Variants in TMTC2 observed in about 807,000 individuals in gnomAD.
TMTC2 encodes the protein transmembrane O-mannosyltransferase targeting cadherins 2.
In TMTC2, 43 loss-of-function variants were observed where a neutral mutation model predicts 82.4. The ratio of observed to expected loss-of-function variants is 0.52; its 90% CI spans 0.41 to 0.67. The LOEUF is 0.67. Ranked by LOEUF, TMTC2 falls within the 30% of genes least tolerant of loss-of-function variation. The pLI, the probability that TMTC2 is intolerant of heterozygous loss-of-function variation, is 0.00. For synonymous variants in TMTC2, 408 were observed against 381.9 expected (o/e 1.07, Z -0.80); for missense variants, 919 against 1,012.4 (o/e 0.91, Z 1.25).
chr12:83,014,668 A>G (rs181377262), intron 8 of TMTC2, among the ~76,000 whole-genome samples: 17 of 152,294 alleles, frequency 1.1e-4, no homozygotes, highest in Admixed American at 3.9e-4. Flanking sequence ...ATAACCATGT[A>G]CATCTATGGT....
intron 1 of TMTC2, among the ~76,000 whole-genome samples, chr12:82,766,740 C>T (rs1876982981): frequency 6.6e-6 from 1 of 152,206 alleles, no homozygotes; most frequent in African/African-American, 2.4e-5. Context: ...TACTATTCTT[C>T]TAGTCTCTCA....
chr12:82,739,380 G>A (rs1875285441), intron 1 of TMTC2, among the ~76,000 whole-genome samples: 3 of 152,040 alleles, frequency 2.0e-5, no homozygotes, highest in African/African-American at 7.2e-5. Flanking sequence ...GGGTGGAGAA[G>A]AGATATGTGT....
chr12:83,108,159 C>T (rs1467879121), intron 11 of TMTC2, among the ~76,000 whole-genome samples: 2 of 152,114 alleles, frequency 1.3e-5, no homozygotes, highest in Non-Finnish European at 2.9e-5. Flanking sequence ...CTTTATAAAT[C>T]GCCCAGTCTC....
chr12:82,823,474 G>A (rs932358782), intron 1 of TMTC2, among the ~76,000 whole-genome samples: 3 of 152,154 alleles, frequency 2.0e-5, no homozygotes, highest in African/African-American at 7.2e-5. Context: ...TACTCTGCTA[G>A]GCTTTTGCCC....
intron 11 of TMTC2, among the ~76,000 whole-genome samples, chr12:83,104,959 A>G (rs1481422781): frequency 1.3e-5 from 2 of 152,204 alleles, no homozygotes; most frequent in Non-Finnish European, 2.9e-5. Flanking sequence ...AAGCAGCCAG[A>G]CCACTGCTTG....
At chr12:82,906,294 C>T (rs115353011) in intron 3 of TMTC2, among the ~76,000 whole-genome samples, 14 of 152,174 alleles carry the variant, frequency 9.2e-5, no homozygotes, top group African/African-American at 3.1e-4. Flanking sequence ...TTATATTTCA[C>T]CAATAATTTG....
chr12:82,896,172 T>C lies in TMTC2; in HGVS notation c.1009T>C (p.Cys337Arg). The change falls in exon 3 of 12, where the codon TGC becomes CGC. Residue 337 changes from cysteine to arginine, a missense_variant. Transcript: ENST00000321196. ...GAAGAGCCCGAGCGTAGACAGAGAA[T>C]GCAATGGGAAAACTGTAACAAATGG... ...GLKSPSVDRE[C>R]NGKTVTNGKQ... 6.2e-7 allele frequency: 1 copy of C among 1,613,964 alleles called. No homozygotes were observed. The highest frequency in any genetic ancestry group is 1.3e-5 in the African/African-American group (1 of 74,970).
rs563069559 is a variant in TMTC2, at chr12:82,882,925, G to A, written c.655-12893G>A. Among the ~76,000 whole-genome samples the A allele has an allele frequency of 1.8e-4, 28 of 151,938 alleles. No homozygotes were observed. The South Asian group carries it at 5.0e-3, about 27-fold the overall frequency. On this transcript the variant is annotated intron_variant, in intron 2 of 11. Coordinates refer to ENST00000321196, the MANE Select transcript of TMTC2 (RefSeq NM_152588.3). ...ACAAAAATTAGCTGGGCGTGGTGGCGTGTGCCTATGATCCCAGCTACTTAG... is the reference window on the plus strand; with the variant it reads ...ACAAAAATTAGCTGGGCGTGGTGGCATGTGCCTATGATCCCAGCTACTTAG...
intron 1 of TMTC2, among the ~76,000 whole-genome samples, chr12:82,818,236 G>A (rs1316051329): frequency 6.6e-6 from 1 of 152,018 alleles, no homozygotes. Flanking sequence ...CTATGGAAAA[G>A]CAGAATTCCA....
intron 8 of TMTC2, among the ~76,000 whole-genome samples, chr12:83,010,507 C>T (rs985751024): frequency 6.6e-6 from 1 of 152,294 alleles, no homozygotes; most frequent in Non-Finnish European, 1.5e-5. Flanking sequence ...TACATTTCTT[C>T]CCTGCTATAT....
chr12:82,812,124 A>T (rs1236033813), intron 1 of TMTC2, among the ~76,000 whole-genome samples: 1 of 152,030 alleles, frequency 6.6e-6, no homozygotes, highest in Non-Finnish European at 1.5e-5. Context: ...CCTTCTGAAG[A>T]TATCTTAACA....
At chr12:83,012,179 C>T (rs1441534450) in intron 8 of TMTC2, among the ~76,000 whole-genome samples, 1 of 152,074 alleles carries the variant, frequency 6.6e-6, no homozygotes, top group Non-Finnish European at 1.5e-5. Flanking sequence ...CTTGGTCTTA[C>T]TTATTTTTTA....
At chr12:83,104,067 G>A (rs1317686046) in intron 11 of TMTC2, among the ~76,000 whole-genome samples, 1 of 152,200 alleles carries the variant, frequency 6.6e-6, no homozygotes, top group Non-Finnish European at 1.5e-5. Context: ...AATCTCCTTT[G>A]ACTGCATGTC....
At chr12:83,028,083 G>A (rs574425565) in intron 8 of TMTC2, among the ~76,000 whole-genome samples, 1 of 152,020 alleles carries the variant, frequency 6.6e-6, no homozygotes, top group African/African-American at 2.4e-5. Flanking sequence ...TTGCTTTCTA[G>A]TGATGATTTT....
chr12:82,843,774 C>A (rs568654369), intron 1 of TMTC2, among the ~76,000 whole-genome samples: 139 of 152,050 alleles, frequency 9.1e-4, no homozygotes, highest in African/African-American at 2.9e-3. Context: ...ATGGTGAAAC[C>A]CCGTCTCTAC....
chr12:82,899,741 A>AAT lies in TMTC2; in HGVS notation c.1483+3107_1483+3108dup, dbSNP rs950083072. On this transcript the variant is annotated intron_variant, in intron 3 of 11. Transcript: ENST00000321196. ...TATATATAAGAATATATATATGTGG[A>AAT]ATATATATATATAAGAATATATATG... Among the ~76,000 whole-genome samples the AAT allele has an allele frequency of 6.6e-5, 8 of 121,218 alleles. No individual in the cohort carries two copies. The East Asian group carries it at 1.2e-3, about 18-fold the overall frequency. 79.5% of individuals were successfully genotyped at this position (121,218 alleles called of 152,430 possible).
chr12:82,991,709 T>A (rs1414294536), intron 8 of TMTC2, among the ~76,000 whole-genome samples: 1 of 152,218 alleles, frequency 6.6e-6, no homozygotes, highest in Non-Finnish European at 1.5e-5. Flanking sequence ...TATTCCTTGT[T>A]TGAACTTTGT....
rs1491534159 is a variant in TMTC2, at chr12:82,696,963, C to CATATATATATATATATATATATAT, written c.83+9294_83+9295insATATATATATATATATATATATAT. On this transcript the variant is annotated intron_variant, in intron 1 of 11. Coordinates refer to ENST00000321196, the MANE Select transcript of TMTC2 (RefSeq NM_152588.3). The stretch of plus-strand genomic sequence containing the variant: ...AGCTCTCTTTCTACATACATACATA[C>CATATATATATATATATATATATAT]GTATATATATATATATATATGTTTC... Among the ~76,000 whole-genome samples, 252 of 121,350 alleles carry CATATATATATATATATATATATAT rather than the reference C, an allele frequency of 2.1e-3. 2 individuals carry two copies. Among genetic ancestry groups the CATATATATATATATATATATATAT allele is most frequent in the African/African-American group, 4.9e-3 (158 of 32,200 alleles). 79.6% of individuals were successfully genotyped at this position (121,350 alleles called of 152,430 possible).
In TMTC2 at chr12:82,895,954, A is replaced by G. The variant is rs1405808680; in HGVS notation, c.791A>G (p.Asp264Gly). 6.2e-7 allele frequency: 1 copy of G among 1,613,728 alleles called. No homozygotes were observed. Among genetic ancestry groups the G allele is most frequent in the African/African-American group, 1.3e-5 (1 of 74,814 alleles). Residue 264 changes from aspartate to glycine, a missense_variant, in exon 3 of 12, where the codon GAC becomes GGC. Asp to Gly is a moderately conservative substitution (Grantham distance 94). Coordinates refer to ENST00000321196, the MANE Select transcript of TMTC2 (RefSeq NM_152588.3). ...TCGGACAACCCCGCTGCTGATTCGGACAGCCTCCTCACCCGCACTCTCACC... is the reference window on the plus strand; with the variant it reads ...TCGGACAACCCCGCTGCTGATTCGGGCAGCCTCCTCACCCGCACTCTCACC... ...SNSDNPAADSDSLLTRTLTFF... is the reference protein window; with the variant it reads ...SNSDNPAADSGSLLTRTLTFF...
Sources: gnomAD v4.1 joint callset for allele counts (sites outside exome capture counted in the v4.1 genomes callset) on GRCh38, gnomAD v4.1.1 for gene constraint, MANE v1.5 for transcripts, NCBI Gene and HGNC (gene_info 2026-07-23, HGNC 2026-07-21) for gene names.